TTC27: variants seen among roughly 807,000 people sequenced by gnomAD.
The protein encoded by TTC27 is tetratricopeptide repeat domain 27.
In TTC27, 79 loss-of-function variants were observed where a neutral mutation model predicts 115.9. The observed-to-expected ratio is 0.68, with a 90% CI of 0.57 to 0.82. The LOEUF (loss-of-function observed/expected upper bound fraction) is 0.82, where lower values mean the gene tolerates loss of function less well. TTC27 is among the 40% of genes least tolerant of loss of function. The pLI is 0.00. For missense variants in TTC27, 1,054 were observed against 993.1 expected (o/e 1.06, Z -0.82); for synonymous variants, 401 against 356.0 (o/e 1.13, Z -1.42).
chr2:32,650,478 G>T (rs1227876091), intron 5 of TTC27, among the ~76,000 whole-genome samples: 2 of 151,002 alleles, frequency 1.3e-5, no homozygotes, highest in Admixed American at 6.6e-5. Context: ...CCTACTTAGG[G>T]TGATTTGCTC....
chr2:32,782,698 A>G lies in TTC27; in HGVS notation c.1832+20A>G. 6.3e-7 allele frequency: 1 copy of G among 1,588,136 alleles called. No homozygotes were observed. The highest frequency in any genetic ancestry group is 8.6e-7 in the Non-Finnish European group (1 of 1,161,658). On this transcript the variant is annotated intron_variant, in intron 15 of 19. Coordinates refer to ENST00000317907, the MANE Select transcript of TTC27 (RefSeq NM_017735.5). ...ACAAAAGTAAGTACATCAGACAAAT[A>G]TGAAGAAATTTGCTTCCCAAATAAA...
intron 5 of TTC27, among the ~76,000 whole-genome samples, chr2:32,654,675 C>T (rs936713798): frequency 1.3e-5 from 2 of 151,408 alleles, no homozygotes; most frequent in Non-Finnish European, 2.9e-5. Flanking sequence ...GGAGTATAGG[C>T]GCTTGCCACC....
intron 2 of TTC27, among the ~76,000 whole-genome samples, chr2:32,630,977 CA>C (rs1393430305): frequency 1.4e-5 from 2 of 147,138 alleles, no homozygotes; most frequent in Admixed American, 1.3e-4. Context: ...TACCCACCGG[CA>C]AAACTTCAGA....
intron 5 of TTC27, among the ~76,000 whole-genome samples, chr2:32,655,074 T>G (rs960903995): frequency 6.6e-6 from 1 of 151,746 alleles, no homozygotes; most frequent in Non-Finnish European, 1.5e-5. Context: ...ACTCAACCTC[T>G]GCCTCCTGCG....
intron 4 of TTC27, among the ~76,000 whole-genome samples, chr2:32,649,616 C>T (rs1665008121): frequency 6.6e-6 from 1 of 151,330 alleles, no homozygotes; most frequent in Non-Finnish European, 1.5e-5. Context: ...GCATCCTCGG[C>T]TCACTGCAAC....
intron 7 of TTC27, 85 bp downstream of exon 7, chr2:32,666,853 G>A (rs146889812): frequency 6.9e-7 from 1 of 1,440,778 alleles, no homozygotes; most frequent in Non-Finnish European, 9.4e-7. Flanking sequence ...ACACTGAATG[G>A]GTTGGGGACA....
At position 32,664,320 on chromosome 2, in the gene TTC27, C is replaced by G; in HGVS notation, c.658C>G (p.Leu220Val). Reference sequence around the variant, plus strand: ...TCTTGCAGTGATGAAACTACAGAATCTGTTTGTAGATGATTCAGGTCGATA... The same window carrying G: ...TCTTGCAGTGATGAAACTACAGAATGTGTTTGTAGATGATTCAGGTCGATA... ...CIDQVMKLQNLFVDDSGRYLA... is the reference protein window; with the variant it reads ...CIDQVMKLQNVFVDDSGRYLA... Residue 220 changes from leucine to valine, a missense_variant, in exon 6 of 20, where the codon CTG (leucine) becomes GTG (valine). Coordinates refer to ENST00000317907, the MANE Select transcript of TTC27 (RefSeq NM_017735.5). 3 of 1,598,054 alleles carry G rather than the reference C, an allele frequency of 1.9e-6. No individual in the cohort carries two copies. Among genetic ancestry groups the G allele is most frequent in the Non-Finnish European group, 2.6e-6 (3 of 1,173,116 alleles).
At position 32,792,914 on chromosome 2, in the gene TTC27, A is replaced by G. The variant is rs1670584911; in HGVS notation, c.1998+5765A>G. The stretch of plus-strand genomic sequence containing the variant: ...CCGCTCCTCTATGTGAGAGGCCTTC[A>G]ACTCTCTTCACAGGCCAGTGTTAGT... On this transcript the variant is annotated intron_variant, in intron 16 of 19. Coordinates refer to ENST00000317907, the MANE Select transcript of TTC27 (RefSeq NM_017735.5). Among the ~76,000 whole-genome samples, 4 of 152,324 alleles carry G rather than the reference A, an allele frequency of 2.6e-5. No homozygotes were observed. The South Asian group carries it at 8.3e-4, about 32-fold the overall frequency.
At chr2:32,767,460 T>TG (rs1553317319) in intron 13 of TTC27, among the ~76,000 whole-genome samples, 2 of 142,184 alleles carry the variant, frequency 1.4e-5, no homozygotes, top group Non-Finnish European at 3.1e-5. Context: ...TTTGTTTTTT[T>TG]TTTTTTTTTT....
At position 32,811,225 on chromosome 2, in the gene TTC27, A is replaced by G. The variant is rs779172623; in HGVS notation, c.2196+4A>G. The G allele has an allele frequency of 6.2e-7, 1 of 1,612,114 alleles. No homozygotes were observed. Among genetic ancestry groups the G allele is most frequent in the Admixed American group, 1.7e-5 (1 of 59,766 alleles). On this transcript the variant is annotated splice_donor_region_variant and intron_variant, in intron 17 of 19. Coordinates refer to ENST00000317907, the MANE Select transcript of TTC27 (RefSeq NM_017735.5). ...AAAGCCTGATGAAAATGAAAAGGCA[A>G]GTCCTTCATTCCTCCTGAGTCCTTG...
chr2:32,820,173 T>C (rs1015574217), intron 19 of TTC27, among the ~76,000 whole-genome samples: 2 of 152,212 alleles, frequency 1.3e-5, no homozygotes, highest in African/African-American at 4.8e-5. Context: ...CACATACACA[T>C]ACCATGGGGT....
At chr2:32,670,771 C>A (rs571624370) in intron 7 of TTC27, among the ~76,000 whole-genome samples, 1 of 152,216 alleles carries the variant, frequency 6.6e-6, no homozygotes, top group East Asian at 1.9e-4. Context: ...GTATACGCCA[C>A]CATGCCTGGC....
intron 9 of TTC27, among the ~76,000 whole-genome samples, chr2:32,684,609 C>G (rs1280650256): frequency 6.6e-6 from 1 of 151,990 alleles, no homozygotes; most frequent in African/African-American, 2.4e-5. Context: ...GACTTTAAAG[C>G]TATTTAATAA....
chr2:32,782,747 A>G lies in TTC27; in HGVS notation c.1832+69A>G, dbSNP rs931459433. 2.4e-6 allele frequency: 3 copies of G among 1,274,486 alleles called. No individual in the cohort carries two copies. The Admixed American group carries it at 5.4e-5, about 23-fold the overall frequency. The allele number at this position is 1,274,486 out of a possible 1,614,324, so 78.9% of individuals were successfully genotyped here. On this transcript the variant is annotated intron_variant, in intron 15 of 19. Coordinates refer to ENST00000317907, the MANE Select transcript of TTC27 (RefSeq NM_017735.5). ...AATGAATGAGATTTTCTACAACTGA[A>G]CATTGTTTCAATGTTTCTCCTTGTT...
chr2:32,749,842 C>G (rs1051284346), intron 12 of TTC27, among the ~76,000 whole-genome samples: 1 of 151,930 alleles, frequency 6.6e-6, no homozygotes, highest in Non-Finnish European at 1.5e-5. Context: ...TAAGAATCAA[C>G]TGGATAAAAG....
intron 10 of TTC27, among the ~76,000 whole-genome samples, chr2:32,703,605 A>C (rs757626650): frequency 1.3e-5 from 2 of 152,240 alleles, no homozygotes; most frequent in Non-Finnish European, 2.9e-5. Flanking sequence ...GATGCAAAAA[A>C]TATTCACTAA....
At chr2:32,707,803 C>T (rs538877032) in intron 10 of TTC27, among the ~76,000 whole-genome samples, 26 of 152,170 alleles carry the variant, frequency 1.7e-4, no homozygotes, top group Non-Finnish European at 3.1e-4. Flanking sequence ...GCAACAAGCA[C>T]ATCTAGTGCC....
At chr2:32,793,058 G>T (rs1238877447) in intron 16 of TTC27, among the ~76,000 whole-genome samples, 1 of 152,146 alleles carries the variant, frequency 6.6e-6, no homozygotes, top group African/African-American at 2.4e-5. Flanking sequence ...AAATCAAGAT[G>T]TGGGTAAGGG....
At chr2:32,725,888 C>T (rs547834671) in intron 10 of TTC27, among the ~76,000 whole-genome samples, 1 of 152,338 alleles carries the variant, frequency 6.6e-6, no homozygotes, top group Non-Finnish European at 1.5e-5. Flanking sequence ...GGTTCTCAAA[C>T]CTGAGTTCTT....
Sources: gnomAD v4.1 joint callset for allele counts (sites outside exome capture counted in the v4.1 genomes callset) on GRCh38, gnomAD v4.1.1 for gene constraint, MANE v1.5 for transcripts, NCBI Gene and HGNC (gene_info 2026-07-23, HGNC 2026-07-21) for gene names.